Variants in TFEC observed in about 807,000 individuals in gnomAD.
TFEC encodes the protein class E basic helix-loop-helix protein 34.
Under a neutral mutation model 41.6 loss-of-function variants are expected in TFEC, and 31 were observed. The ratio of observed to expected loss-of-function variants is 0.74; its 90% CI spans 0.56 to 1.01. TFEC has a LOEUF of 1.01. TFEC is among the 50% of genes least tolerant of loss of function. The pLI, the probability that TFEC is intolerant of heterozygous loss-of-function variation, is 0.00. For synonymous variants in TFEC, 143 were observed against 140.6 expected, an observed-to-expected ratio of 1.02 and a Z score of -0.12; for missense variants, 402 against 404.1, an observed-to-expected ratio of 0.99 and a Z score of 0.04.
At chr7:116,083,729 A>G (rs1018993496) in intron 3 of TFEC, among the ~76,000 whole-genome samples, 9 of 152,078 alleles carry the variant, frequency 5.9e-5, no homozygotes, top group Admixed American at 5.9e-4. Flanking sequence ...GGAGAATATA[A>G]GGCTTTTTCA....
rs538296799 is a variant in TFEC at position 116,130,422 on chromosome 7, A to G, written c.-68-18384T>C. Among the ~76,000 whole-genome samples, 115 of 152,380 alleles carry G rather than the reference A, an allele frequency of 7.5e-4. 1 individual carries two copies. Among genetic ancestry groups the G allele is most frequent in the African/African-American group, 2.6e-3 (109 of 41,596 alleles). On this transcript the variant is annotated intron_variant, in intron 1 of 8. Coordinates refer to the TFEC transcript ENST00000484212. ...GAGAAGGAGATGAAAATGGTAATAT[A>G]GTAACCTACAAGAAAATAATACTAC...
intron 1 of TFEC, among the ~76,000 whole-genome samples, chr7:116,009,832 G>T (rs542659107): frequency 3.9e-5 from 6 of 152,156 alleles, no homozygotes; most frequent in Non-Finnish European, 8.8e-5. Flanking sequence ...TTATGGGCAG[G>T]TGGAAGAGAC....
Position 115,940,036 on chromosome 7 carries a change from T to A in TFEC, c.*515A>T, listed in dbSNP as rs577618034. ...CAACCACAAGTGACAGATAATCTATTATACATTTATTTATCCTATAAAGTT... is the reference window on the plus strand; with the variant it reads ...CAACCACAAGTGACAGATAATCTATAATACATTTATTTATCCTATAAAGTT... On this transcript the variant is annotated 3_prime_UTR_variant, in exon 8 of 8. Coordinates refer to ENST00000265440, the MANE Select transcript of TFEC (RefSeq NM_012252.4). 2 of 152,270 alleles carry A rather than the reference T, an allele frequency of 1.3e-5. No homozygotes were observed. The highest frequency in any genetic ancestry group is 3.9e-4 in the East Asian group (2 of 5,166). 9.4% of individuals were successfully genotyped at this position (152,270 alleles called of 1,614,324 possible).
intron 1 of TFEC, among the ~76,000 whole-genome samples, chr7:116,022,922 C>T (rs1317255377): frequency 6.6e-6 from 1 of 152,136 alleles, no homozygotes; most frequent in Non-Finnish European, 1.5e-5. Flanking sequence ...AATGAAGATA[C>T]TGAGTTTCAA....
At chr7:115,962,242 A>T (rs932943239) in intron 3 of TFEC, among the ~76,000 whole-genome samples, 2 of 151,826 alleles carry the variant, frequency 1.3e-5, no homozygotes, top group Non-Finnish European at 2.9e-5. Context: ...ATGAAAAGAA[A>T]TAATATTGTA....
rs539109154 is a variant in TFEC, at chr7:116,042,286, G to A, written c.199-57773C>T. Among the ~76,000 whole-genome samples, 65 of 152,216 alleles carry A rather than the reference G, an allele frequency of 4.3e-4. No homozygotes were observed. The South Asian group carries it at 5.0e-3, about 12-fold the overall frequency. On this transcript the variant is annotated intron_variant, in intron 3 of 8. Transcript: ENST00000484212. The stretch of plus-strand genomic sequence containing the variant: ...AGAATACATATAATACAGCATAAGC[G>A]TTAGAAGAATTGCATTGTATATGAA...
chr7:115,955,758 G>A (rs1215429622), intron 4 of TFEC, among the ~76,000 whole-genome samples: 1 of 151,888 alleles, frequency 6.6e-6, no homozygotes. Context: ...TATTATTAGA[G>A]TTATAGTTTA....
chr7:116,115,454 G>C (rs1258368867), intron 1 of TFEC, among the ~76,000 whole-genome samples: 1 of 151,862 alleles, frequency 6.6e-6, no homozygotes, highest in East Asian at 1.9e-4. Context: ...GATTCTAGAA[G>C]CTGCCTATAT....
intron 1 of TFEC, among the ~76,000 whole-genome samples, chr7:116,023,321 G>A (rs1464093895): frequency 6.6e-6 from 1 of 152,104 alleles, no homozygotes; most frequent in Non-Finnish European, 1.5e-5. Context: ...AGTACTTAGA[G>A]GTATACAAGA....
intron 1 of TFEC, among the ~76,000 whole-genome samples, chr7:116,127,439 ATTTG>A (rs1798236620): frequency 6.6e-6 from 1 of 152,084 alleles, no homozygotes; most frequent in Admixed American, 6.6e-5. Context: ...GATGAGAATA[ATTTG>A]TTTACTTTTA....
upstream of TFEC, among the ~76,000 whole-genome samples, chr7:116,033,770 A>G (rs1464662349): frequency 5.3e-5 from 8 of 152,046 alleles, no homozygotes; most frequent in Non-Finnish European, 1.2e-4. Context: ...GAATACAAGC[A>G]AGTGTTCTTT....
At chr7:115,989,408 G>C (rs1378319600) in intron 1 of TFEC, among the ~76,000 whole-genome samples, 6 of 152,180 alleles carry the variant, frequency 3.9e-5, no homozygotes, top group Non-Finnish European at 8.8e-5. Flanking sequence ...TCAGACAGTG[G>C]GTGCAGCCCA....
Position 115,937,424 on chromosome 7 carries a change from TA to T in TFEC, c.*3126del, listed in dbSNP as rs1244067550. On this transcript the variant is annotated 3_prime_UTR_variant, in exon 8 of 8. Transcript: ENST00000265440. ...AGAGAGTCAAATTTTTCTAGAAGTC[TA>T]TCTTGTTTCTTAGATACTCAAATAA... 1.3e-5 allele frequency: 2 copies of T among 151,784 alleles called. No homozygotes were observed. Among genetic ancestry groups the T allele is most frequent in the African/African-American group, 2.4e-5 (1 of 41,424 alleles). 9.4% of individuals were successfully genotyped at this position (151,784 alleles called of 1,614,324 possible). A position where few individuals can be genotyped will look rare whatever the true frequency, so the allele number is the denominator to read the frequency against.
At chr7:115,972,571 A>T (rs533248959) in intron 3 of TFEC, among the ~76,000 whole-genome samples, 2 of 152,242 alleles carry the variant, frequency 1.3e-5, no homozygotes, top group Non-Finnish European at 2.9e-5. Flanking sequence ...TGTGAATATT[A>T]TGCTTTACAT....
At chr7:116,030,426 G>A (rs1795749887) in intron 1 of TFEC, among the ~76,000 whole-genome samples, 2 of 152,110 alleles carry the variant, frequency 1.3e-5, no homozygotes, top group Admixed American at 1.3e-4. Flanking sequence ...GTTGAAATAA[G>A]ACATTAATAG....
intron 7 of TFEC, chr7:115,941,459 A>C (rs1239683287): frequency 5.9e-6 from 1 of 170,034 alleles, no homozygotes; most frequent in Non-Finnish European, 1.2e-5. Flanking sequence ...CAATGTTGGA[A>C]AGAAATGAAA....
At chr7:116,009,206 C>T (rs1404255925) in intron 1 of TFEC, among the ~76,000 whole-genome samples, 2 of 151,984 alleles carry the variant, frequency 1.3e-5, no homozygotes, top group Admixed American at 1.3e-4. Flanking sequence ...TGAATACCAG[C>T]AATAACCATG....
intron 1 of TFEC, among the ~76,000 whole-genome samples, chr7:116,144,604 T>C (rs1798605991): frequency 6.6e-6 from 1 of 152,042 alleles, no homozygotes; most frequent in African/African-American, 2.4e-5. Context: ...CCCACCTCCA[T>C]CTCCCAAAGC....
chr7:115,952,365 A>G (rs1185724274), intron 5 of TFEC, among the ~76,000 whole-genome samples: 2 of 151,994 alleles, frequency 1.3e-5, no homozygotes, highest in East Asian at 3.9e-4. Flanking sequence ...ATATACTTAT[A>G]TAGAAATGTA....
Sources: gnomAD v4.1 joint callset for allele counts (sites outside exome capture counted in the v4.1 genomes callset) on GRCh38, gnomAD v4.1.1 for gene constraint, MANE v1.5 for transcripts, NCBI Gene and HGNC (gene_info 2026-07-23, HGNC 2026-07-21) for gene names.